Variants in DIAPH3 observed in about 807,000 individuals in gnomAD.
DIAPH3 encodes diaphanous related formin 3, also known as protein diaphanous homolog 3.
Under a neutral mutation model 144.3 loss-of-function variants are expected in DIAPH3, and 117 were observed. That is an observed-to-expected ratio of 0.81 (90% confidence interval 0.70 to 0.95). The LOEUF is 0.95. DIAPH3 is among the 40% of genes least tolerant of loss of function. The pLI is 0.00. For missense variants in DIAPH3, 1,421 were observed against 1,412.7 expected (o/e 1.01, Z -0.09); for synonymous variants, 519 against 488.9 (o/e 1.06, Z -0.81).
At chr13:59,669,913 C>T (rs55746702) in intron 27 of DIAPH3, among the ~76,000 whole-genome samples, 2 of 152,122 alleles carry the variant, frequency 1.3e-5, no homozygotes, top group East Asian at 1.9e-4. Context: ...TTGTCAAGGT[C>T]GCTAATGAAC....
chr13:59,847,370 T>C (rs1651438311), intron 22 of DIAPH3, among the ~76,000 whole-genome samples: 1 of 152,174 alleles, frequency 6.6e-6, no homozygotes, highest in African/African-American at 2.4e-5. Context: ...AGGAAATGAA[T>C]ACAACCAATT....
chr13:59,741,775 C>T (rs547967582), intron 27 of DIAPH3, among the ~76,000 whole-genome samples: 105 of 138,502 alleles, frequency 7.6e-4, no homozygotes, highest in Middle Eastern at 3.7e-3. Flanking sequence ...AGATATTCCA[C>T]TCTATAATTC....
chr13:60,042,583 T>TA, intron 5 of DIAPH3, 107 bp downstream of exon 5: 1 of 1,344,566 alleles, frequency 7.4e-7, no homozygotes, highest in South Asian at 1.2e-5. Flanking sequence ...ATTCAGTTTG[T>TA]ACTTTGAGAA....
At chr13:59,755,739 T>C (rs1396370103) in intron 27 of DIAPH3, among the ~76,000 whole-genome samples, 2 of 152,038 alleles carry the variant, frequency 1.3e-5, no homozygotes, top group Non-Finnish European at 2.9e-5. Context: ...ACCAATTAAA[T>C]CAGAATGTGT....
At chr13:59,983,696 G>C in intron 13 of DIAPH3, 73 bp downstream of exon 13, 3 of 1,041,604 alleles carry the variant, frequency 2.9e-6, no homozygotes, top group African/African-American at 1.6e-5. Context: ...CACAACCCGA[G>C]AACCAATGCC....
intron 22 of DIAPH3, among the ~76,000 whole-genome samples, chr13:59,850,633 C>A (rs1452153280): frequency 1.3e-5 from 2 of 151,474 alleles, no homozygotes; most frequent in African/African-American, 2.4e-5. Flanking sequence ...TATTGATTTG[C>A]GTATATTGAA....
chr13:59,998,315 T>C (rs1384494133), intron 9 of DIAPH3, among the ~76,000 whole-genome samples: 1 of 152,132 alleles, frequency 6.6e-6, no homozygotes, highest in Non-Finnish European at 1.5e-5. Flanking sequence ...CTCCCATGCC[T>C]TTTTCTAAAA....
At chr13:60,053,929 A>C (rs1171057731) in intron 4 of DIAPH3, among the ~76,000 whole-genome samples, 2 of 152,142 alleles carry the variant, frequency 1.3e-5, no homozygotes, top group Non-Finnish European at 2.9e-5. Flanking sequence ...AATCAGGACA[A>C]TGACCTTCTT....
chr13:59,960,234 T>A (rs1277543620), intron 17 of DIAPH3, among the ~76,000 whole-genome samples: 3 of 152,236 alleles, frequency 2.0e-5, no homozygotes. Flanking sequence ...CACTTTCATT[T>A]AAGCTAAAAA....
chr13:59,837,649 A>G (rs1385766379), intron 23 of DIAPH3: 1 of 152,306 alleles, frequency 6.6e-6, no homozygotes, highest in African/African-American at 2.4e-5. Context: ...AAAATTAAGA[A>G]AAAAGCTAAG....
At chr13:59,890,318 C>A (rs2045707999) in intron 20 of DIAPH3, among the ~76,000 whole-genome samples, 1 of 152,046 alleles carries the variant, frequency 6.6e-6, no homozygotes, top group Non-Finnish European at 1.5e-5. Context: ...GAACTCAAAT[C>A]TCTGTAATTT....
rs758406681 is a variant in DIAPH3 at position 59,810,933 on chromosome 13, T to A, written c.3028-10A>T. 3.3e-5 allele frequency: 45 copies of A among 1,359,388 alleles called. No individual in the cohort carries two copies. Among genetic ancestry groups the A allele is most frequent in the Non-Finnish European group, 4.5e-5 (44 of 982,184 alleles). The allele number at this position is 1,359,388 out of a possible 1,614,324, so 84.2% of individuals were successfully genotyped here. On this transcript the variant is annotated splice_polypyrimidine_tract_variant and intron_variant, in intron 24 of 27. Coordinates refer to ENST00000400324, the MANE Select transcript of DIAPH3 (RefSeq NM_001042517.2). ...TCTCCTTTATTGCTTGCTAAAAAAATTTTGAAAAATGATCAATTTTAACCA... is the reference window on the plus strand; with the variant it reads ...TCTCCTTTATTGCTTGCTAAAAAAAATTTGAAAAATGATCAATTTTAACCA...
intron 27 of DIAPH3, among the ~76,000 whole-genome samples, chr13:59,674,099 T>C (rs2032519665): frequency 6.6e-6 from 1 of 152,224 alleles, no homozygotes; most frequent in African/African-American, 2.4e-5. Flanking sequence ...TAGAGGACTG[T>C]GACCTGTGAA....
intron 20 of DIAPH3, among the ~76,000 whole-genome samples, chr13:59,884,978 T>C (rs1347100073): frequency 6.6e-6 from 1 of 152,184 alleles, no homozygotes; most frequent in Non-Finnish European, 1.5e-5. Flanking sequence ...CCAAGGCTTG[T>C]ACAAAAATAT....
chr13:59,758,393 C>T (rs1263519063), intron 27 of DIAPH3, among the ~76,000 whole-genome samples: 4 of 152,162 alleles, frequency 2.6e-5, no homozygotes, highest in African/African-American at 9.7e-5. Flanking sequence ...CAGCTTCATA[C>T]AACAACATGG....
At chr13:59,917,349 G>T (rs1160288417) in intron 18 of DIAPH3, among the ~76,000 whole-genome samples, 1 of 152,080 alleles carries the variant, frequency 6.6e-6, no homozygotes, top group Non-Finnish European at 1.5e-5. Context: ...ATCAAAGGAT[G>T]ACTATTTTTT....
intron 15 of DIAPH3, 56 bp downstream of exon 15, chr13:59,974,296 C>A: frequency 7.9e-7 from 1 of 1,269,782 alleles, no homozygotes; most frequent in Non-Finnish European, 1.1e-6. Flanking sequence ...TATAACATAA[C>A]CTTTGCTCCC....
chr13:59,700,611 C>G (rs893152513), intron 27 of DIAPH3, among the ~76,000 whole-genome samples: 1 of 152,184 alleles, frequency 6.6e-6, no homozygotes. Flanking sequence ...GTCAAAGTAT[C>G]TCCTCCATGC....
At chr13:59,799,483 C>T (rs889358062) in intron 25 of DIAPH3, among the ~76,000 whole-genome samples, 1 of 151,542 alleles carries the variant, frequency 6.6e-6, no homozygotes, top group Non-Finnish European at 1.5e-5. Flanking sequence ...ATAAATTAAA[C>T]TGCATTTATA....
Sources: allele counts gnomAD v4.1 joint callset (sites outside exome capture counted in the v4.1 genomes callset), GRCh38; gene constraint gnomAD v4.1.1; transcripts MANE v1.5; gene names NCBI Gene and HGNC (gene_info 2026-07-23, HGNC 2026-07-21).